The following YEATS4 variants were observed in gnomAD, a reference collection of about 807,000 sequenced individuals.
YEATS4 encodes the protein YEATS domain-containing protein 4.
In YEATS4, 17 loss-of-function variants were observed where a neutral mutation model predicts 30.1. The ratio of observed to expected loss-of-function variants is 0.56; its 90% CI spans 0.39 to 0.85. The LOEUF (loss-of-function observed/expected upper bound fraction) is 0.85, where lower values mean the gene tolerates loss of function less well. YEATS4 is among the 40% of genes least tolerant of loss of function. YEATS4 has a pLI of 0.00. For synonymous variants in YEATS4, 85 were observed against 87.5 expected, an observed-to-expected ratio of 0.97 and a Z score of 0.16; for missense variants, 142 against 268.3, an observed-to-expected ratio of 0.53 and a Z score of 3.29.
chr12:69,400,295 C>G, the YEATS4 span, among the ~76,000 whole-genome samples: 1 of 152,040 alleles, frequency 6.6e-6, no homozygotes, highest in Non-Finnish European at 1.5e-5. Flanking sequence ...CTGAGACACA[C>G]AAAGCCCTAA....
At chr12:69,373,339 G>A (rs1565677750) in intron 6 of YEATS4, among the ~76,000 whole-genome samples, 1 of 152,098 alleles carries the variant, frequency 6.6e-6, no homozygotes, top group Admixed American at 6.5e-5. Flanking sequence ...ATTTTAACAG[G>A]CATGAGATGA....
At chr12:69,420,371 C>G in the YEATS4 span, among the ~76,000 whole-genome samples, 1 of 151,454 alleles carries the variant, frequency 6.6e-6, no homozygotes, top group Non-Finnish European at 1.5e-5. Context: ...AGAACTCCAT[C>G]ACAGTTAATT....
At chr12:69,398,697 C>A in the YEATS4 span, among the ~76,000 whole-genome samples, 1 of 151,712 alleles carries the variant, frequency 6.6e-6, no homozygotes, top group South Asian at 2.1e-4. Context: ...CACCTGTAGT[C>A]CCAGCTACTT....
intron 1 of YEATS4, among the ~76,000 whole-genome samples, chr12:69,362,538 A>T (rs1157078300): frequency 6.6e-6 from 1 of 152,208 alleles, no homozygotes; most frequent in Non-Finnish European, 1.5e-5. Flanking sequence ...TCTTTTAACA[A>T]CACTCTAAAA....
In YEATS4 at chr12:69,390,291, A is replaced by G; in HGVS notation, c.659A>G (p.Glu220Gly). 33 of 1,589,242 alleles carry G rather than the reference A, an allele frequency of 2.1e-5. No homozygotes were observed. Among genetic ancestry groups the G allele is most frequent in the Non-Finnish European group, 2.7e-5 (32 of 1,173,842 alleles). The change falls in exon 7 of 7, where the codon GAA becomes GGA. Residue 220 changes from glutamate (E) to glycine (G), a missense_variant. Around this residue, in one of 3 missense-constraint regions of YEATS4, gnomAD observed 53 missense variants for 68.6 expected, o/e 0.77. Coordinates refer to ENST00000247843, the MANE Select transcript of YEATS4 (RefSeq NM_006530.4). ...CLKNEIRKLE[E>G]DDQAKDI ...AAAAATGAAATCAGAAAACTTGAAG[A>G]AGATGACCAAGCAAAAGACATATAA...
the YEATS4 span, among the ~76,000 whole-genome samples, chr12:69,425,371 G>A: frequency 6.6e-6 from 1 of 152,180 alleles, no homozygotes; most frequent in African/African-American, 2.4e-5. Flanking sequence ...TGAGAAAGGG[G>A]CCTGAATAAC....
At chr12:69,402,085 C>G in the YEATS4 span, among the ~76,000 whole-genome samples, 1 of 152,180 alleles carries the variant, frequency 6.6e-6, no homozygotes, top group African/African-American at 2.4e-5. Context: ...TGGTAAGCCT[C>G]TCATCTGGGA....
At chr12:69,373,224 C>T (rs1394327796) in intron 6 of YEATS4, among the ~76,000 whole-genome samples, 1 of 152,148 alleles carries the variant, frequency 6.6e-6, no homozygotes, top group East Asian at 1.9e-4. Flanking sequence ...AACTGTTGGC[C>T]ATAGTGGTTT....
At chr12:69,360,227 T>C (rs1016229397) in intron 1 of YEATS4, among the ~76,000 whole-genome samples, 1 of 151,958 alleles carries the variant, frequency 6.6e-6, no homozygotes, top group African/African-American at 2.4e-5. Flanking sequence ...CACTGCCAAC[T>C]CCCACCCCCG....
chr12:69,374,810 CTCTT>C (rs1189905675), intron 6 of YEATS4, among the ~76,000 whole-genome samples: 2 of 152,148 alleles, frequency 1.3e-5, no homozygotes, highest in Admixed American at 6.5e-5. Flanking sequence ...AATCTGATCT[CTCTT>C]TCTTTTCCCC....
chr12:69,419,339 G>A, the YEATS4 span, among the ~76,000 whole-genome samples: 1 of 150,198 alleles, frequency 6.7e-6, no homozygotes, highest in African/African-American at 2.5e-5. Flanking sequence ...TCTTTCCTCA[G>A]CCTCTTTAGT....
chr12:69,375,362 G>T (rs575273506), intron 6 of YEATS4, among the ~76,000 whole-genome samples: 4 of 150,928 alleles, frequency 2.7e-5, no homozygotes. Context: ...GGACAGAGAC[G>T]CTCCTCACTT....
chr12:69,417,284 C>T, the YEATS4 span, among the ~76,000 whole-genome samples: 2,511 of 149,340 alleles, frequency 0.017, 175 homozygotes, highest in Admixed American at 0.12. Context: ...CAGCCTCCCA[C>T]GTTGCTTGGA....
intron 2 of YEATS4, chr12:69,364,292 A>G: frequency 3.1e-6 from 1 of 318,046 alleles, no homozygotes. Context: ...TCTCTACAGA[A>G]AAAAAAGGTA....
At chr12:69,380,002 G>A (rs1440219014) in intron 6 of YEATS4, among the ~76,000 whole-genome samples, 3 of 152,052 alleles carry the variant, frequency 2.0e-5, no homozygotes, top group Non-Finnish European at 4.4e-5. Flanking sequence ...CTTTATCTGT[G>A]TTATCTTGAA....
At chr12:69,368,616 T>C (rs751391413) in intron 4 of YEATS4, among the ~76,000 whole-genome samples, 4 of 152,172 alleles carry the variant, frequency 2.6e-5, no homozygotes, top group African/African-American at 4.8e-5. Flanking sequence ...ATAAACTGGG[T>C]GGATTAAAAC....
At chr12:69,408,478 A>ATGTGCGTGCGTGTGTG in the YEATS4 span, among the ~76,000 whole-genome samples, 1 of 152,346 alleles carries the variant, frequency 6.6e-6, no homozygotes, top group South Asian at 2.1e-4. Flanking sequence ...GGATGTGCGC[A>ATGTGCGTGCGTGTGTG]TGTGCGTGCG....
At chr12:69,416,355 A>G in the YEATS4 span, among the ~76,000 whole-genome samples, 1 of 152,242 alleles carries the variant, frequency 6.6e-6, no homozygotes. Flanking sequence ...CCCAAATTCT[A>G]TGCAATTTAC....
downstream of YEATS4, among the ~76,000 whole-genome samples, chr12:69,394,860 G>A (rs1868339827): frequency 6.6e-6 from 1 of 152,080 alleles, no homozygotes; most frequent in Non-Finnish European, 1.5e-5. Context: ...GCGATTACAG[G>A]CATGAGCCAC....
Sources: gnomAD v4.1 joint callset for allele counts (sites outside exome capture counted in the v4.1 genomes callset) on GRCh38, gnomAD v4.1.1 for gene constraint, gnomAD v4.1.1 regional missense constraint, MANE v1.5 for transcripts, NCBI Gene and HGNC (gene_info 2026-07-23, HGNC 2026-07-21) for gene names.